NAA60: variants seen among roughly 807,000 people sequenced by gnomAD.
NAA60 encodes N-alpha-acetyltransferase 60, NatF catalytic subunit.
NAA60 carries 8 observed loss-of-function variants against 26.1 expected under a neutral mutation model. The observed-to-expected ratio is 0.31, with a 90% CI of 0.18 to 0.55. The LOEUF is 0.55. Among genes scored for constraint, NAA60 ranks in the 20% least tolerant of loss-of-function variants. NAA60 has a pLI of 0.93. For missense variants in NAA60, 290 were observed against 311.3 expected, an observed-to-expected ratio of 0.93 and a Z score of 0.51; for synonymous variants, 131 against 122.5, an observed-to-expected ratio of 1.07 and a Z score of -0.46.
At chr16:3,454,158 T>C (rs2034888192) in intron 2 of NAA60, among the ~76,000 whole-genome samples, 1 of 152,028 alleles carries the variant, frequency 6.6e-6, no homozygotes, top group African/African-American at 2.4e-5. Context: ...AGCTTGTTGC[T>C]CTACCTGGGC....
rs115805305 is a variant in NAA60 at position 3,450,850 on chromosome 16, A to G, written c.-7+2310A>G. On this transcript the variant is annotated intron_variant, in intron 2 of 7. Coordinates refer to ENST00000407558, the MANE Select transcript of NAA60 (RefSeq NM_001083601.3). ...CCAGTGGAGAGAGGCATCATTCTGCATGGTATAGAAGCCTTGGGTGGGTGT... is the reference window on the plus strand; with the variant it reads ...CCAGTGGAGAGAGGCATCATTCTGCGTGGTATAGAAGCCTTGGGTGGGTGT... 2.1e-3 allele frequency among the ~76,000 whole-genome samples: 318 copies of G among 152,216 alleles called. 2 individuals carry two copies. The highest frequency in any genetic ancestry group is 7.0e-3 in the African/African-American group (292 of 41,538).
chr16:3,471,490 C>T (rs1294768672), intron 2 of NAA60, among the ~76,000 whole-genome samples: 2 of 152,036 alleles, frequency 1.3e-5, no homozygotes, highest in Non-Finnish European at 2.9e-5. Flanking sequence ...GGGGGCAGAG[C>T]AAGACTCCAT....
chr16:3,482,481 T>C, intron 4 of NAA60, 21 bp from the exon 5 acceptor site: 3 of 1,571,932 alleles, frequency 1.9e-6, no homozygotes, highest in Non-Finnish European at 2.6e-6. Context: ...AGCCTGACTT[T>C]CTCTCTGACT....
intron 2 of NAA60, among the ~76,000 whole-genome samples, chr16:3,457,666 G>A (rs1239897588): frequency 1.3e-5 from 2 of 152,238 alleles, no homozygotes; most frequent in Non-Finnish European, 2.9e-5. Context: ...CAGCCCCGGC[G>A]CTGCAGGCCC....
intron 2 of NAA60, chr16:3,456,910 C>T (rs1223699593): frequency 6.6e-6 from 1 of 152,182 alleles, no homozygotes; most frequent in Non-Finnish European, 1.5e-5. Context: ...CTGCCTCAGC[C>T]TCCCAGGTAG....
At chr16:3,451,901 G>A (rs2034800793) in intron 2 of NAA60, among the ~76,000 whole-genome samples, 1 of 151,200 alleles carries the variant, frequency 6.6e-6, no homozygotes, top group South Asian at 2.1e-4. Context: ...CTGGGGGACA[G>A]AGCAAGACCC....
intron 2 of NAA60, among the ~76,000 whole-genome samples, chr16:3,466,215 C>A (rs770836443): frequency 7.9e-5 from 12 of 152,258 alleles, no homozygotes; most frequent in Admixed American, 2.6e-4. Context: ...CATTGTCACT[C>A]CTCTGTCCTT....
At chr16:3,485,245 C>G (rs1368952196) in intron 7 of NAA60, 184 bp downstream of exon 7, 1 of 655,208 alleles carries the variant, frequency 1.5e-6, no homozygotes, top group South Asian at 1.5e-5. Flanking sequence ...ACAGCAGGCT[C>G]CATGGCAACT....
At chr16:3,482,700 C>G in intron 5 of NAA60, 102 bp downstream of exon 5, 1 of 840,108 alleles carries the variant, frequency 1.2e-6, no homozygotes, top group Non-Finnish European at 1.9e-6. Flanking sequence ...CCCAACAACT[C>G]TGGCTCGTGA....
At chr16:3,469,756 G>A (rs1271073707) in intron 2 of NAA60, among the ~76,000 whole-genome samples, 1 of 152,232 alleles carries the variant, frequency 6.6e-6, no homozygotes, top group Non-Finnish European at 1.5e-5. Flanking sequence ...GCAGGGCAAT[G>A]GAAGATGAGT....
chr16:3,443,771 T>C lies in NAA60; in HGVS notation c.-143T>C. ...GGGTGACCCCAGGGGGACGTAATGT[T>C]TCCGAGAAGAAGGACAGAAAGAAGA... is the stretch of plus-strand genomic sequence containing the variant. On this transcript the variant is annotated 5_prime_UTR_variant, in exon 1 of 8. Transcript: ENST00000407558. The C allele has an allele frequency of 6.5e-7, 1 of 1,533,974 alleles. No homozygotes were observed. Among genetic ancestry groups the C allele is most frequent in the East Asian group, 2.5e-5 (1 of 40,686 alleles).
intron 2 of NAA60, among the ~76,000 whole-genome samples, chr16:3,466,409 T>C (rs1296231733): frequency 6.6e-6 from 1 of 152,238 alleles, no homozygotes; most frequent in East Asian, 1.9e-4. Context: ...GGAGATGGCT[T>C]GCTCTCACGT....
chr16:3,472,599 A>AT (rs1216807772), intron 2 of NAA60, among the ~76,000 whole-genome samples: 3 of 151,778 alleles, frequency 2.0e-5, no homozygotes, highest in South Asian at 2.1e-4. Context: ...CGCCCAGCTA[A>AT]TTTTTTTGTA....
chr16:3,455,373 A>G (rs544178246), intron 2 of NAA60, among the ~76,000 whole-genome samples: 1 of 151,014 alleles, frequency 6.6e-6, no homozygotes, highest in East Asian at 2.0e-4. Context: ...GCATAGCCAA[A>G]AAAGAGTTTT....
intron 2 of NAA60, chr16:3,468,169 A>G (rs143068771): frequency 6.6e-6 from 1 of 152,372 alleles, no homozygotes; most frequent in East Asian, 1.9e-4. Context: ...AAGTGAAATT[A>G]CAAAGTTGCA....
At chr16:3,476,650 T>G (rs559891460) in intron 3 of NAA60, among the ~76,000 whole-genome samples, 68 of 152,194 alleles carry the variant, frequency 4.5e-4, no homozygotes, top group Middle Eastern at 3.4e-3. Flanking sequence ...CAGCAAGGAG[T>G]TGGTTACATG....
At chr16:3,448,663 A>G in intron 2 of NAA60, 123 bp downstream of exon 2, 1 of 764,152 alleles carries the variant, frequency 1.3e-6, no homozygotes, top group Non-Finnish European at 2.0e-6. Context: ...TTAGTACTGA[A>G]TGATAGAAGG....
At chr16:3,451,756 A>G (rs1011607106) in intron 2 of NAA60, among the ~76,000 whole-genome samples, 1 of 151,894 alleles carries the variant, frequency 6.6e-6, no homozygotes, top group Non-Finnish European at 1.5e-5. Flanking sequence ...CGTCTCTACA[A>G]AAAATGCAAA....
intron 2 of NAA60, chr16:3,458,071 C>G (rs1040702926): frequency 3.0e-6 from 3 of 985,354 alleles, no homozygotes; most frequent in African/African-American, 1.7e-5. Context: ...CGGCCCCTGC[C>G]GGTTACATAA....
Sources: gnomAD v4.1 joint callset for allele counts (sites outside exome capture counted in the v4.1 genomes callset) on GRCh38, gnomAD v4.1.1 for gene constraint, MANE v1.5 for transcripts, NCBI Gene and HGNC (gene_info 2026-07-23, HGNC 2026-07-21) for gene names.